RSRC1: variants seen among roughly 807,000 people sequenced by gnomAD.
RSRC1 encodes the protein serine/Arginine-related protein 53.
RSRC1 carries 39 observed loss-of-function variants against 49.1 expected under a neutral mutation model. The ratio of observed to expected loss-of-function variants is 0.79; its 90% CI spans 0.61 to 1.04. The LOEUF (loss-of-function observed/expected upper bound fraction) is 1.04, where lower values mean the gene tolerates loss of function less well. Among genes scored for constraint, RSRC1 ranks in the 50% least tolerant of loss-of-function variants. The probability of loss-of-function intolerance (pLI) is 0.00; values close to 1 mark genes in which losing one functional copy is unlikely to be tolerated. For synonymous variants in RSRC1, 143 were observed against 130.8 expected (o/e 1.09, Z -0.63); for missense variants, 388 against 402.4 (o/e 0.96, Z 0.31).
At chr3:158,204,536 C>G (rs1024247407) in intron 4 of RSRC1, among the ~76,000 whole-genome samples, 2 of 152,042 alleles carry the variant, frequency 1.3e-5, no homozygotes, top group African/African-American at 4.8e-5. Context: ...TTAGCCAGCA[C>G]TGGTAAAATG....
At chr3:158,331,499 A>G (rs956267045) in intron 5 of RSRC1, among the ~76,000 whole-genome samples, 11 of 152,112 alleles carry the variant, frequency 7.2e-5, no homozygotes, top group South Asian at 6.2e-4. Flanking sequence ...TACTTTTTAT[A>G]TAAAATTGAA....
intron 3 of RSRC1, among the ~76,000 whole-genome samples, chr3:158,155,052 GA>G (rs111666804): frequency 0.019 from 2,962 of 152,140 alleles, 92 homozygotes; most frequent in African/African-American, 0.069. Context: ...CACCTGCAAT[GA>G]CTTCCTCCAC....
At chr3:158,518,148 A>ATTTTTTTTTTTT (rs72132266) in intron 7 of RSRC1, among the ~76,000 whole-genome samples, 32 of 44,128 alleles carry the variant, frequency 7.3e-4, no homozygotes, top group East Asian at 1.1e-3. Context: ...ATATATATAT[A>ATTTTTTTTTTTT]TTTTTTTTTT....
intron 6 of RSRC1, among the ~76,000 whole-genome samples, chr3:158,428,963 A>G (rs898890833): frequency 7.2e-5 from 11 of 151,834 alleles, no homozygotes; most frequent in Non-Finnish European, 1.2e-4. Context: ...CAGGTGCACT[A>G]GTAGCTTCTT....
intron 7 of RSRC1, among the ~76,000 whole-genome samples, chr3:158,508,166 G>GTTTAATTT (rs1739956077): frequency 1.3e-5 from 2 of 152,116 alleles, no homozygotes; most frequent in African/African-American, 4.8e-5. Context: ...GTCTTTCAAT[G>GTTTAATTT]AGGATAGTTT....
intron 4 of RSRC1, among the ~76,000 whole-genome samples, chr3:158,295,900 C>A (rs1034689784): frequency 6.6e-6 from 1 of 151,950 alleles, no homozygotes; most frequent in Non-Finnish European, 1.5e-5. Context: ...GCAAACCTAC[C>A]CTGAAATGAA....
chr3:158,481,473 T>A (rs1578529966), intron 7 of RSRC1, among the ~76,000 whole-genome samples: 3 of 152,236 alleles, frequency 2.0e-5, no homozygotes, highest in South Asian at 2.1e-4. Context: ...AGAAACTATA[T>A]CACATAACTG....
chr3:158,322,911 G>A (rs909477760), intron 5 of RSRC1, among the ~76,000 whole-genome samples: 9 of 152,078 alleles, frequency 5.9e-5, no homozygotes, highest in Non-Finnish European at 8.8e-5. Flanking sequence ...CATCTAGTGA[G>A]TTTTGTTTTG....
chr3:158,400,968 A>G (rs1410131945), intron 6 of RSRC1, among the ~76,000 whole-genome samples: 1 of 152,030 alleles, frequency 6.6e-6, no homozygotes, highest in African/African-American at 2.4e-5. Flanking sequence ...CATTTATACA[A>G]TATTTTAATG....
chr3:158,372,553 G>C (rs1022691491), intron 6 of RSRC1, among the ~76,000 whole-genome samples: 2 of 151,856 alleles, frequency 1.3e-5, no homozygotes, highest in Non-Finnish European at 2.9e-5. Flanking sequence ...CTGTAGTGCT[G>C]TATGGAGTCT....
chr3:158,458,876 A>G (rs1737478272), intron 6 of RSRC1, among the ~76,000 whole-genome samples: 1 of 152,138 alleles, frequency 6.6e-6, no homozygotes, highest in Non-Finnish European at 1.5e-5. Flanking sequence ...CTTTATTCAC[A>G]CTTAAATCAT....
intron 6 of RSRC1, among the ~76,000 whole-genome samples, chr3:158,439,485 TA>T (rs1272414111): frequency 1.3e-5 from 2 of 151,926 alleles, no homozygotes; most frequent in African/African-American, 2.4e-5. Context: ...TATGCAGCCA[TA>T]AAAAAGGAGG....
intron 6 of RSRC1, among the ~76,000 whole-genome samples, chr3:158,390,193 ATGGT>A (rs1454028120): frequency 6.6e-6 from 1 of 152,176 alleles, no homozygotes; most frequent in African/African-American, 2.4e-5. Context: ...TAAGTGCTTC[ATGGT>A]TAAAGGTCAG....
chr3:158,235,171 G>T (rs1348673418), intron 4 of RSRC1, among the ~76,000 whole-genome samples: 1 of 151,926 alleles, frequency 6.6e-6, no homozygotes, highest in Non-Finnish European at 1.5e-5. Context: ...GCATAGAGTT[G>T]TTTTTATTTA....
At chr3:158,175,435 T>TAATGATACTTA (rs1719145778) in intron 3 of RSRC1, among the ~76,000 whole-genome samples, 1 of 152,158 alleles carries the variant, frequency 6.6e-6, no homozygotes, top group African/African-American at 2.4e-5. Flanking sequence ...ATTGTATCTT[T>TAATGATACTTA]AATACTTAAA....
At chr3:158,274,434 C>CA (rs1316872672) in intron 4 of RSRC1, among the ~76,000 whole-genome samples, 2 of 151,124 alleles carry the variant, frequency 1.3e-5, no homozygotes, top group Non-Finnish European at 2.9e-5. Context: ...TCTACACAAT[C>CA]AAAATGTATG....
intron 5 of RSRC1, among the ~76,000 whole-genome samples, chr3:158,326,598 T>G (rs1373547202): frequency 6.6e-6 from 1 of 152,216 alleles, no homozygotes; most frequent in African/African-American, 2.4e-5. Context: ...TCATGGTGGA[T>G]AAGCTCTTTG....
intron 3 of RSRC1, among the ~76,000 whole-genome samples, chr3:158,135,272 A>ATT (rs10626579): frequency 0.37 from 53,267 of 144,202 alleles, 10,455 homozygotes; most frequent in East Asian, 0.61. Flanking sequence ...TTATAGTGTA[A>ATT]TTTTTTTTTT....
chr3:158,239,887 A>C (rs868753508), intron 4 of RSRC1, among the ~76,000 whole-genome samples: 3 of 152,148 alleles, frequency 2.0e-5, no homozygotes, highest in African/African-American at 7.2e-5. Flanking sequence ...TTTTAGATGA[A>C]TAGAAGTTTT....
Sources: gnomAD v4.1 joint callset for allele counts (sites outside exome capture counted in the v4.1 genomes callset) on GRCh38, gnomAD v4.1.1 for gene constraint, MANE v1.5 for transcripts, NCBI Gene and HGNC (gene_info 2026-07-23, HGNC 2026-07-21) for gene names.